ATP10A: variants seen among roughly 807,000 people sequenced by gnomAD.
The protein encoded by ATP10A is ATPase phospholipid transporting 10A (putative).
ATP10A carries 111 observed loss-of-function variants against 147.8 expected under a neutral mutation model. The ratio of observed to expected loss-of-function variants is 0.75; its 90% CI spans 0.64 to 0.88. The LOEUF (loss-of-function observed/expected upper bound fraction) is 0.88. Among genes scored for constraint, ATP10A ranks in the 40% least tolerant of loss-of-function variants. ATP10A has a pLI of 0.00. For missense variants in ATP10A, 1,927 were observed against 1,959.0 expected, an observed-to-expected ratio of 0.98 and a Z score of 0.31; for synonymous variants, 875 against 841.6, an observed-to-expected ratio of 1.04 and a Z score of -0.69.
At chr15:25,838,844 G>A (rs150970847) in intron 1 of ATP10A, among the ~76,000 whole-genome samples, 23 of 152,242 alleles carry the variant, frequency 1.5e-4, no homozygotes, top group Non-Finnish European at 2.6e-4. Flanking sequence ...TTTATGGTGA[G>A]CGAGCAGTGT....
intron 2 of ATP10A, among the ~76,000 whole-genome samples, chr15:25,755,387 A>G (rs1888359276): frequency 6.6e-6 from 1 of 152,186 alleles, no homozygotes; most frequent in South Asian, 2.1e-4. Flanking sequence ...TAGGAACCTG[A>G]CTAGTCTCAG....
intron 1 of ATP10A, among the ~76,000 whole-genome samples, chr15:25,814,079 A>AG (rs1353328502): frequency 6.6e-6 from 1 of 152,168 alleles, no homozygotes; most frequent in African/African-American, 2.4e-5. Flanking sequence ...AACTACACCC[A>AG]GGCTCACCAT....
In ATP10A at chr15:25,862,680, C is replaced by A; in HGVS notation, c.417G>T (p.Lys139Asn). ...AGACCAGGCAGCCCAGGTGGTTGATCTTGTGGTCGGAGCGGTGGCGGCTGT... is the reference window on the plus strand; with the variant it reads ...AGACCAGGCAGCCCAGGTGGTTGATATTGTGGTCGGAGCGGTGGCGGCTGT... ...EDYSRHRSDH[K>N]INHLGCLVFS... Residue 139 changes from lysine (K) to asparagine (N), a missense_variant, in exon 1 of 21, where the codon AAG becomes AAT. By Grantham distance (94) the Lys-to-Asn change is moderately conservative. Coordinates refer to ENST00000555815, the MANE Select transcript of ATP10A (RefSeq NM_024490.4). 1 of 1,600,842 alleles carries A rather than the reference C, an allele frequency of 6.2e-7. No homozygotes were observed. Among genetic ancestry groups the A allele is most frequent in the Non-Finnish European group, 8.5e-7 (1 of 1,171,580 alleles).
At chr15:25,805,190 G>C (rs992725919) in intron 1 of ATP10A, among the ~76,000 whole-genome samples, 1 of 152,162 alleles carries the variant, frequency 6.6e-6, no homozygotes, top group Admixed American at 6.5e-5. Flanking sequence ...TCCTTCTCAA[G>C]TTTGTTTTTG....
At chr15:25,701,144 C>A (rs775075722) in intron 13 of ATP10A, among the ~76,000 whole-genome samples, 5 of 152,174 alleles carry the variant, frequency 3.3e-5, no homozygotes, top group Non-Finnish European at 1.5e-5. Context: ...GCCTTTCCTA[C>A]GCTTACAGAT....
intron 1 of ATP10A, among the ~76,000 whole-genome samples, chr15:25,793,298 A>G (rs763045296): frequency 2.6e-5 from 4 of 152,198 alleles, no homozygotes; most frequent in Non-Finnish European, 4.4e-5. Context: ...GAGCACTGCA[A>G]TCATACCTGC....
At chr15:25,770,781 G>A (rs767078322) in intron 2 of ATP10A, among the ~76,000 whole-genome samples, 1 of 152,138 alleles carries the variant, frequency 6.6e-6, no homozygotes, top group African/African-American at 2.4e-5. Flanking sequence ...AAATGCACCT[G>A]ACAGCAATAC....
intron 12 of ATP10A, among the ~76,000 whole-genome samples, chr15:25,706,359 A>G (rs1046363304): frequency 9.2e-5 from 14 of 152,212 alleles, no homozygotes; most frequent in African/African-American, 3.1e-4. Context: ...ACAACCGCTC[A>G]GTGCCAGGCC....
chr15:25,675,101 C>T (rs1334986631), downstream of ATP10A, among the ~76,000 whole-genome samples: 4 of 152,188 alleles, frequency 2.6e-5, no homozygotes, highest in Admixed American at 6.5e-5. Context: ...TTTTGGAAGC[C>T]GCGGATGGTC....
chr15:25,720,107 T>C (rs927685741), intron 7 of ATP10A, among the ~76,000 whole-genome samples: 1 of 152,226 alleles, frequency 6.6e-6, no homozygotes, highest in Non-Finnish European at 1.5e-5. Context: ...CTTTCTGTAA[T>C]CTTAGTTGGG....
At chr15:25,803,194 G>A (rs1351098309) in intron 1 of ATP10A, among the ~76,000 whole-genome samples, 11 of 152,312 alleles carry the variant, frequency 7.2e-5, no homozygotes, top group Non-Finnish European at 1.5e-4. Flanking sequence ...AGTGACACTG[G>A]TCTGTGCTGG....
intron 1 of ATP10A, among the ~76,000 whole-genome samples, chr15:25,796,796 G>A (rs986388923): frequency 3.3e-5 from 5 of 152,356 alleles, no homozygotes; most frequent in Admixed American, 2.6e-4. Context: ...GGTGACAGCC[G>A]TAATTTGAGC....
chr15:25,736,223 A>C, intron 2 of ATP10A, 82 bp from the exon 3 acceptor site: 1 of 1,089,492 alleles, frequency 9.2e-7, no homozygotes, highest in South Asian at 1.3e-5. Flanking sequence ...TCTGTCTCGC[A>C]TCCGCGGCAG....
In ATP10A at chr15:25,713,860, C is replaced by T. The variant is rs367580656; in HGVS notation, c.2158G>A (p.Asp720Asn). ...YNCVLVERLH[D>N]QVSVELPHLG... Reference sequence around the variant, plus strand: ...TGGGGCAGCTCCACTGACACTTGGTCGTGCAGCCGCTCCACAAGCACGCAG... The same window carrying T: ...TGGGGCAGCTCCACTGACACTTGGTTGTGCAGCCGCTCCACAAGCACGCAG... The change falls in exon 10 of 21, where the codon GAC becomes AAC. Residue 720 changes from aspartate (D) to asparagine (N), a missense_variant. Asp to Asn is a conservative substitution (Grantham distance 23). Transcript: ENST00000555815. The T allele has an allele frequency of 8.1e-6, 13 of 1,613,760 alleles. No individual in the cohort carries two copies. The highest frequency in any genetic ancestry group is 4.5e-5 in the East Asian group (2 of 44,880).
intron 2 of ATP10A, among the ~76,000 whole-genome samples, chr15:25,772,366 A>G (rs1482223077): frequency 1.3e-5 from 2 of 152,022 alleles, no homozygotes; most frequent in Non-Finnish European, 2.9e-5. Flanking sequence ...CCGACTTTGC[A>G]CCCAAAACCT....
At chr15:25,783,035 G>A (rs1339258317) in intron 1 of ATP10A, among the ~76,000 whole-genome samples, 1 of 151,938 alleles carries the variant, frequency 6.6e-6, no homozygotes, top group Non-Finnish European at 1.5e-5. Context: ...AATTAGTTGG[G>A]CATGGTGGCA....
Position 25,680,771 on chromosome 15 carries a change from A to G in ATP10A, c.3678+39T>C, listed in dbSNP as rs148351434. On this transcript the variant is annotated intron_variant, in intron 19 of 20. Transcript: ENST00000555815. ...AGGGAAGTGTGGGGTCCACGGCATCAGTGCTCTTCTGAGACGTGGCCATGC... is the reference window on the plus strand; with the variant it reads ...AGGGAAGTGTGGGGTCCACGGCATCGGTGCTCTTCTGAGACGTGGCCATGC... The G allele has an allele frequency of 1.6e-3, 2,553 of 1,555,940 alleles. 17 individuals carry two copies. Among genetic ancestry groups the G allele is most frequent in the Middle Eastern group, 0.016 (70 of 4,458 alleles).
chr15:25,822,713 A>T (rs1396751095), intron 1 of ATP10A, among the ~76,000 whole-genome samples: 1 of 152,204 alleles, frequency 6.6e-6, no homozygotes, highest in Non-Finnish European at 1.5e-5. Context: ...TGCTGCTTAG[A>T]AAATAATTAT....
intron 2 of ATP10A, among the ~76,000 whole-genome samples, chr15:25,754,427 T>C (rs571443977): frequency 1.2e-3 from 179 of 152,284 alleles, no homozygotes; most frequent in African/African-American, 4.0e-3. Flanking sequence ...GCCACTGGGC[T>C]GCAGTTTTAA....
Sources: gnomAD v4.1 joint callset for allele counts (sites outside exome capture counted in the v4.1 genomes callset) on GRCh38, gnomAD v4.1.1 for gene constraint, MANE v1.5 for transcripts, NCBI Gene and HGNC (gene_info 2026-07-23, HGNC 2026-07-21) for gene names.